Variants in UBXN7 observed in about 807,000 individuals in gnomAD.
UBXN7 encodes the protein UBX domain-containing protein 7.
UBXN7 carries 9 observed loss-of-function variants against 58.0 expected under a neutral mutation model. That is an observed-to-expected ratio of 0.16 (90% CI 0.09 to 0.27). The LOEUF is 0.27. Ranked by LOEUF, UBXN7 falls within the 10% of genes least tolerant of loss-of-function variation. The pLI, the probability that UBXN7 is intolerant of heterozygous loss-of-function variation, is 1.00. For synonymous variants in UBXN7, 208 were observed against 205.0 expected (o/e 1.01, Z -0.12); for missense variants, 328 against 599.6 (o/e 0.55, Z 4.73).
At chr3:196,361,277 AG>A (rs34152559) in intron 10 of UBXN7, among the ~76,000 whole-genome samples, 1 of 152,146 alleles carries the variant, frequency 6.6e-6, no homozygotes, top group African/African-American at 2.4e-5. Flanking sequence ...CATTAAAGGG[AG>A]GGGGGTTGCT....
intron 5 of UBXN7, among the ~76,000 whole-genome samples, chr3:196,375,383 A>G (rs956115141): frequency 2.6e-5 from 4 of 152,144 alleles, no homozygotes; most frequent in African/African-American, 9.7e-5. Flanking sequence ...TTGGGAGGCC[A>G]AGACAGGAGG....
At chr3:196,432,206 G>T in intron 1 of UBXN7, 121 bp downstream of exon 1, 1 of 1,387,392 alleles carries the variant, frequency 7.2e-7, no homozygotes. Context: ...CCTCAGGAGG[G>T]AGGACGGCAG....
chr3:196,403,089 C>T (rs1730043385), intron 2 of UBXN7, 70 bp from the exon 3 acceptor site: 1 of 1,390,984 alleles, frequency 7.2e-7, no homozygotes, highest in Non-Finnish European at 9.8e-7. Flanking sequence ...TCTGTAAATA[C>T]TGTGAATATA....
rs182300308 is a variant in UBXN7 at position 196,396,545 on chromosome 3, G to A, written c.290-2926C>T. Among the ~76,000 whole-genome samples, 688 of 152,164 alleles carry A rather than the reference G, an allele frequency of 4.5e-3. 3 individuals are homozygous for A. The highest frequency in any genetic ancestry group is 0.016 in the African/African-American group (650 of 41,512). ...TGGGAGACCGAGGTGGGTGGATCAC[G>A]AGGTCGGGAGATTGAGACCATACTG... On this transcript the variant is annotated intron_variant, in intron 3 of 10. Coordinates refer to ENST00000296328, the MANE Select transcript of UBXN7 (RefSeq NM_015562.2).
At chr3:196,383,324 CTT>C (rs1378919617) in intron 5 of UBXN7, among the ~76,000 whole-genome samples, 2 of 152,088 alleles carry the variant, frequency 1.3e-5, no homozygotes, top group African/African-American at 4.8e-5. Flanking sequence ...AGAGAAGAGA[CTT>C]AGACTCCCAC....
intron 5 of UBXN7, among the ~76,000 whole-genome samples, chr3:196,385,097 T>A (rs1226716809): frequency 6.6e-6 from 1 of 152,150 alleles, no homozygotes; most frequent in Non-Finnish European, 1.5e-5. Context: ...CACTGCAACC[T>A]CCCTGCCTGA....
intron 2 of UBXN7, among the ~76,000 whole-genome samples, chr3:196,404,169 C>A (rs1730082858): frequency 5.3e-5 from 8 of 151,494 alleles, no homozygotes; most frequent in Admixed American, 4.6e-4. Context: ...ATGTTCACAG[C>A]AAATAGTAAC....
Position 196,349,336 on chromosome 3 carries a change from C to G in UBXN7, c.*7349G>C, listed in dbSNP as rs545104407. 2.6e-5 allele frequency: 4 copies of G among 152,314 alleles called. No homozygotes were observed. The highest frequency in any genetic ancestry group is 5.9e-5 in the Non-Finnish European group (4 of 68,018). The allele number at this position is 152,314 out of a possible 1,614,324, so 9.4% of individuals were successfully genotyped here. ...AGGCCACGCACTACTTTCACTCTCTCTAGCAGGTGAAAGGGGATTTTCTGA... is the reference window on the plus strand; with the variant it reads ...AGGCCACGCACTACTTTCACTCTCTGTAGCAGGTGAAAGGGGATTTTCTGA... On this transcript the variant is annotated 3_prime_UTR_variant, in exon 11 of 11. Coordinates refer to ENST00000296328, the MANE Select transcript of UBXN7 (RefSeq NM_015562.2).
At chr3:196,393,455 A>C in intron 4 of UBXN7, 99 bp downstream of exon 4, 1 of 1,121,606 alleles carries the variant, frequency 8.9e-7, no homozygotes, top group South Asian at 1.7e-5. Context: ...TTTTTAAAGA[A>C]GGTGAAAACT....
intron 5 of UBXN7, among the ~76,000 whole-genome samples, chr3:196,383,421 C>G (rs919803736): frequency 6.6e-6 from 1 of 152,070 alleles, no homozygotes; most frequent in South Asian, 2.1e-4. Context: ...TATCCAGGAC[C>G]TGAACTCAGC....
chr3:196,377,375 G>A (rs1314339594), intron 5 of UBXN7, among the ~76,000 whole-genome samples: 3 of 152,042 alleles, frequency 2.0e-5, no homozygotes, highest in East Asian at 1.9e-4. Flanking sequence ...CCCATCGTTC[G>A]CATTCCCTCG....
chr3:196,415,958 A>C (rs113934869), intron 1 of UBXN7, among the ~76,000 whole-genome samples: 3,077 of 152,300 alleles, frequency 0.02, 116 homozygotes, highest in African/African-American at 0.07. Flanking sequence ...TGTATGGACC[A>C]AACTTTCTTT....
At chr3:196,432,096 T>C in intron 1 of UBXN7, 1 of 641,104 alleles carries the variant, frequency 1.6e-6, no homozygotes, top group Non-Finnish European at 2.8e-6. Flanking sequence ...TTGGGGGATC[T>C]CCCTCCACGC....
intron 1 of UBXN7, among the ~76,000 whole-genome samples, chr3:196,424,500 T>A (rs1730787298): frequency 6.8e-6 from 1 of 146,616 alleles, no homozygotes; most frequent in African/African-American, 2.5e-5. Flanking sequence ...GTTCAAGCAA[T>A]CTTCCCAAGT....
intron 1 of UBXN7, among the ~76,000 whole-genome samples, chr3:196,430,247 C>G (rs953955540): frequency 6.6e-6 from 1 of 151,552 alleles, no homozygotes; most frequent in African/African-American, 2.4e-5. Flanking sequence ...CCCAGCTACT[C>G]GGGAGGCTGA....
rs572644584 is a variant in UBXN7 at position 196,375,489 on chromosome 3, AAG to A, written c.469-3449_469-3448del. Among the ~76,000 whole-genome samples the A allele has an allele frequency of 6.6e-5, 10 of 152,254 alleles. No individual in the cohort carries two copies. The South Asian group carries it at 2.1e-3, about 32-fold the overall frequency. ...AATAATTGAATATATGCAATTTAAA[AAG>A]AGAGAGTCTTAAAAATAATCTAAGT... is the stretch of plus-strand genomic sequence containing the variant. On this transcript the variant is annotated intron_variant, in intron 5 of 10. Coordinates refer to ENST00000296328, the MANE Select transcript of UBXN7 (RefSeq NM_015562.2).
Position 196,369,402 on chromosome 3 carries a change from G to A in UBXN7, c.706+19C>T, listed in dbSNP as rs780566601. ...AGACAAGTAATAGGTTAAAAGCTGCGTGCTGATATAAATCTTACCTGTCCG... is the reference window on the plus strand; with the variant it reads ...AGACAAGTAATAGGTTAAAAGCTGCATGCTGATATAAATCTTACCTGTCCG... On this transcript the variant is annotated intron_variant, in intron 7 of 10. Transcript: ENST00000296328. The A allele has an allele frequency of 4.0e-5, 62 of 1,555,388 alleles. No individual in the cohort carries two copies. The highest frequency in any genetic ancestry group is 1.5e-4 in the Admixed American group (9 of 58,652).
At position 196,362,526 on chromosome 3, in the gene UBXN7, A is replaced by C; in HGVS notation, c.996T>G (p.Val332=). The C allele has an allele frequency of 6.2e-7, 1 of 1,614,142 alleles. No individual in the cohort carries two copies. The highest frequency in any genetic ancestry group is 8.5e-7 in the Non-Finnish European group (1 of 1,180,034). The part of the protein sequence containing the change: ...LFSGSEEFIS[V]CGSDEEEEVE... ...CCTCTTCTTCTTCATCAGAGCCACA[A>C]ACGGATATGAACTCCTCACTGCCAG... The change falls in exon 9 of 11, where the codon GTT becomes GTG. Residue 332 remains valine, a synonymous_variant. Transcript: ENST00000296328.
chr3:196,356,655 G>T lies in UBXN7; in HGVS notation c.*30C>A, dbSNP rs188582013. The T allele has an allele frequency of 2.3e-5, 36 of 1,563,532 alleles. No homozygotes were observed. In the East Asian group the frequency reaches 7.7e-4, roughly 33 times the overall value. On this transcript the variant is annotated 3_prime_UTR_variant, in exon 11 of 11. Transcript: ENST00000296328. Reference sequence around the variant, plus strand: ...TATCTCACAGGAAAAGGGAAAAAAGGGGTAAGCTGAGAGAGGTCAAGCCAT... The same window carrying T: ...TATCTCACAGGAAAAGGGAAAAAAGTGGTAAGCTGAGAGAGGTCAAGCCAT...
Sources: allele counts gnomAD v4.1 joint callset (sites outside exome capture counted in the v4.1 genomes callset), GRCh38; gene constraint gnomAD v4.1.1; transcripts MANE v1.5; gene names NCBI Gene and HGNC (gene_info 2026-07-23, HGNC 2026-07-21).